The following TTC4 variants were observed in gnomAD, a reference collection of about 807,000 sequenced individuals.
The protein encoded by TTC4 is tetratricopeptide repeat domain 4.
In TTC4, 36 loss-of-function variants were observed where a neutral mutation model predicts 51.9. That is an observed-to-expected ratio of 0.69 (90% CI 0.53 to 0.92). TTC4 has a LOEUF of 0.92. TTC4 is among the 40% of genes least tolerant of loss of function. The probability of loss-of-function intolerance (pLI) is 0.00; values close to 1 mark genes in which losing one functional copy is unlikely to be tolerated. For synonymous variants in TTC4, 144 were observed against 164.2 expected (o/e 0.88, Z 0.94); for missense variants, 399 against 454.6 (o/e 0.88, Z 1.11).
At chr1:54,724,228 A>G (rs1645775417) in intron 5 of TTC4, among the ~76,000 whole-genome samples, 1 of 152,078 alleles carries the variant, frequency 6.6e-6, no homozygotes, top group African/African-American at 2.4e-5. Context: ...GTAGACTTCA[A>G]GGCAGCAAGT....
At position 54,716,034 on chromosome 1, in the gene TTC4, G is replaced by C. The variant is rs1297530784; in HGVS notation, c.111+15G>C. ...AGTGGGAGAAGGTGGGCGGTCCTGG[G>C]GTCTCCCCACGTGTGTAGGGGCGTC... On this transcript the variant is annotated intron_variant, in intron 1 of 9. Coordinates refer to ENST00000371281, the MANE Select transcript of TTC4 (RefSeq NM_004623.5). 6.4e-7 allele frequency: 1 copy of C among 1,564,528 alleles called. No individual in the cohort carries two copies. Among genetic ancestry groups the C allele is most frequent in the Non-Finnish European group, 8.7e-7 (1 of 1,154,682 alleles).
chr1:54,722,639 G>C (rs1484292338), intron 4 of TTC4, 36 bp from the exon 5 acceptor site: 2 of 1,606,702 alleles, frequency 1.2e-6, no homozygotes, highest in Non-Finnish European at 8.5e-7. Flanking sequence ...TTCCATGCAT[G>C]TTTTTCTTGA....
chr1:54,725,099 C>T (rs1645784236), intron 5 of TTC4, among the ~76,000 whole-genome samples: 1 of 152,188 alleles, frequency 6.6e-6, no homozygotes, highest in Admixed American at 6.5e-5. Flanking sequence ...GGTTGGAGCT[C>T]TTTCAAAGCC....
At chr1:54,733,320 T>C (rs894698284) in intron 7 of TTC4, among the ~76,000 whole-genome samples, 3 of 151,386 alleles carry the variant, frequency 2.0e-5, no homozygotes, top group Non-Finnish European at 4.4e-5. Context: ...TGCAGGAGGC[T>C]AAGGTAGAGG....
intron 9 of TTC4, among the ~76,000 whole-genome samples, chr1:54,740,061 G>A (rs763974943): frequency 8.4e-4 from 128 of 152,184 alleles, no homozygotes; most frequent in Non-Finnish European, 1.9e-4. Context: ...TGTAGTCCTC[G>A]CTATTTGGGA....
intron 9 of TTC4, among the ~76,000 whole-genome samples, chr1:54,738,448 C>T (rs184316520): frequency 2.6e-5 from 4 of 152,258 alleles, no homozygotes; most frequent in East Asian, 1.9e-4. Context: ...CTCATACTCC[C>T]CTCCCTTCTG....
Position 54,741,880 on chromosome 1 carries a change from GAGAA to G in TTC4, c.*368_*371del. On this transcript the variant is annotated 3_prime_UTR_variant, in exon 10 of 10. Coordinates refer to ENST00000371281, the MANE Select transcript of TTC4 (RefSeq NM_004623.5). Reference sequence around the variant, plus strand: ...AACTTTTGTGGAGTTTGACACCTTAGAGAAGCTACCCCTCAAACTGCACATCTAC... The same window carrying G: ...AACTTTTGTGGAGTTTGACACCTTAGGCTACCCCTCAAACTGCACATCTAC... 4.4e-6 allele frequency: 1 copy of G among 227,874 alleles called. No homozygotes were observed. The highest frequency in any genetic ancestry group is 8.5e-6 in the Non-Finnish European group (1 of 117,010). The allele number at this position is 227,874 out of a possible 1,614,324, so 14.1% of individuals were successfully genotyped here.
intron 4 of TTC4, 21 bp downstream of exon 4, chr1:54,721,261 G>A (rs1254973625): frequency 6.2e-7 from 1 of 1,610,278 alleles, no homozygotes; most frequent in Admixed American, 1.7e-5. Flanking sequence ...TGGAACTACA[G>A]TATGACATTT....
intron 3 of TTC4, among the ~76,000 whole-genome samples, chr1:54,720,673 T>C (rs1435568899): frequency 6.6e-6 from 1 of 152,132 alleles, no homozygotes; most frequent in African/African-American, 2.4e-5. Context: ...AAATTGAGGA[T>C]ATTTGAGTTA....
rs935596044 is a variant in TTC4 at position 54,741,928 on chromosome 1, T to C, written c.*415T>C. 4.3e-5 allele frequency: 8 copies of C among 184,812 alleles called. No individual in the cohort carries two copies. The highest frequency in any genetic ancestry group is 7.8e-5 in the Non-Finnish European group (7 of 89,702). The allele number at this position is 184,812 out of a possible 1,614,324, so 11.4% of individuals were successfully genotyped here. On this transcript the variant is annotated 3_prime_UTR_variant, in exon 10 of 10. Coordinates refer to ENST00000371281, the MANE Select transcript of TTC4 (RefSeq NM_004623.5). Reference sequence around the variant, plus strand: ...CATCTACACACAAACAAACAATGCATAGGATTCCAAGGCTTTAAAGCTGAG... The same window carrying C: ...CATCTACACACAAACAAACAATGCACAGGATTCCAAGGCTTTAAAGCTGAG...
Position 54,716,038 on chromosome 1 carries a change from TC to T in TTC4, c.111+23del, listed in dbSNP as rs1416515894. ...GGAGAAGGTGGGCGGTCCTGGGGTC[TC>T]CCCACGTGTGTAGGGGCGTCGTCCG... On this transcript the variant is annotated intron_variant, in intron 1 of 9. Transcript: ENST00000371281. 7.1e-6 allele frequency: 11 copies of T among 1,557,634 alleles called. No individual in the cohort carries two copies. The highest frequency in any genetic ancestry group is 9.6e-6 in the Non-Finnish European group (11 of 1,149,716).
At chr1:54,728,907 A>T (rs953542879) in intron 6 of TTC4, among the ~76,000 whole-genome samples, 1 of 152,112 alleles carries the variant, frequency 6.6e-6, no homozygotes, top group Non-Finnish European at 1.5e-5. Flanking sequence ...TTTCACAGAT[A>T]GAAGGTTGCT....
At chr1:54,733,777 G>T in intron 8 of TTC4, 67 bp downstream of exon 8, 1 of 978,898 alleles carries the variant, frequency 1.0e-6, no homozygotes, top group Non-Finnish European at 1.5e-6. Context: ...TTTTTTTGCG[G>T]CGGGGGAAGC....
rs371403281 is a variant in TTC4 at position 54,733,747 on chromosome 1, ATTTTTT to A, written c.978+58_978+63del. The A allele has an allele frequency of 3.0e-3, 2,386 of 796,988 alleles. 12 individuals carry two copies. The highest frequency in any genetic ancestry group is 6.7e-3 in the East Asian group (237 of 35,334). The allele number at this position is 796,988 out of a possible 1,614,324, so 49.4% of individuals were successfully genotyped here. On this transcript the variant is annotated intron_variant, in intron 8 of 9. Coordinates refer to ENST00000371281, the MANE Select transcript of TTC4 (RefSeq NM_004623.5). ...TTTATTTCGTTCCTCTATGGAATTA[ATTTTTT>A]TTTTTTTTTTTTTTTTTTTTGCGGC...
intron 9 of TTC4, among the ~76,000 whole-genome samples, chr1:54,740,418 T>G (rs1645998016): frequency 6.6e-6 from 1 of 152,146 alleles, no homozygotes; most frequent in Non-Finnish European, 1.5e-5. Flanking sequence ...GTCCCAAATC[T>G]CTCTTCTTCT....
chr1:54,727,572 C>T (rs1347998765), intron 5 of TTC4, among the ~76,000 whole-genome samples: 3 of 151,384 alleles, frequency 2.0e-5, no homozygotes, highest in African/African-American at 7.3e-5. Context: ...TGAAAAGGGG[C>T]CAGATGCAGT....
At chr1:54,725,550 T>A (rs1414583111) in intron 5 of TTC4, among the ~76,000 whole-genome samples, 1 of 152,156 alleles carries the variant, frequency 6.6e-6, no homozygotes, top group Non-Finnish European at 1.5e-5. Context: ...ACTGCTTGGG[T>A]GAATGCTAAA....
At chr1:54,721,104 A>C (rs1487374221) in intron 3 of TTC4, 59 bp from the exon 4 acceptor site, 7 of 1,539,952 alleles carry the variant, frequency 4.5e-6, no homozygotes, top group Non-Finnish European at 6.3e-6. Flanking sequence ...CTACATATAA[A>C]ATTTTGGAAA....
At position 54,741,534 on chromosome 1, in the gene TTC4, C is replaced by G. The variant is rs779722787; in HGVS notation, c.*21C>G. Reference sequence around the variant, plus strand: ...GATGACTAAGCCAGGGCCCCTGGATCTCCTCCCTTACCCTCCTCTGCTGGG... The same window carrying G: ...GATGACTAAGCCAGGGCCCCTGGATGTCCTCCCTTACCCTCCTCTGCTGGG... On this transcript the variant is annotated 3_prime_UTR_variant, in exon 10 of 10. Transcript: ENST00000371281. The G allele has an allele frequency of 3.1e-6, 5 of 1,594,494 alleles. No individual in the cohort carries two copies. The highest frequency in any genetic ancestry group is 4.3e-6 in the Non-Finnish European group (5 of 1,162,342).
Sources: gnomAD v4.1 joint callset for allele counts (sites outside exome capture counted in the v4.1 genomes callset) on GRCh38, gnomAD v4.1.1 for gene constraint, MANE v1.5 for transcripts, NCBI Gene and HGNC (gene_info 2026-07-23, HGNC 2026-07-21) for gene names.